The following RBFOX3 variants were observed in gnomAD, a reference collection of about 807,000 sequenced individuals.
The protein encoded by RBFOX3 is RNA binding fox-1 homolog 3, also known as RNA binding protein fox-1 homolog 3.
RBFOX3 carries 17 observed loss-of-function variants against 48.7 expected under a neutral mutation model. The observed-to-expected ratio is 0.35, with a 90% CI of 0.24 to 0.52. The LOEUF (loss-of-function observed/expected upper bound fraction) is 0.52. Ranked by LOEUF, RBFOX3 falls within the 20% of genes least tolerant of loss-of-function variation. The pLI is 0.94. For synonymous variants in RBFOX3, 212 were observed against 209.5 expected (o/e 1.01, Z -0.10); for missense variants, 382 against 497.5 (o/e 0.77, Z 2.21).
chr17:79,650,782 G>A, the RBFOX3 span, among the ~76,000 whole-genome samples: 16 of 152,106 alleles, frequency 1.1e-4, no homozygotes, highest in East Asian at 1.9e-4. Flanking sequence ...CATGGCCCCC[G>A]AGGGAAGACT....
At chr17:79,167,983 T>TG (rs2048369286) in intron 4 of RBFOX3, among the ~76,000 whole-genome samples, 1 of 151,832 alleles carries the variant, frequency 6.6e-6, no homozygotes, top group South Asian at 2.1e-4. Flanking sequence ...AACCACAGAG[T>TG]GGGGGGCAGT....
chr17:79,470,036 G>A (rs527621345), intron 2 of RBFOX3, among the ~76,000 whole-genome samples: 7 of 152,294 alleles, frequency 4.6e-5, no homozygotes, highest in East Asian at 1.9e-4. Flanking sequence ...TCGTAGGCAC[G>A]TGTGGGGCCT....
chr17:79,398,076 C>T (rs995211052), intron 2 of RBFOX3, among the ~76,000 whole-genome samples: 13 of 152,236 alleles, frequency 8.5e-5, no homozygotes, highest in African/African-American at 2.6e-4. Context: ...AGGCTCTGGG[C>T]GCCTTGTCGG....
intron 1 of RBFOX3, among the ~76,000 whole-genome samples, chr17:79,541,126 T>C (rs2089634362): frequency 6.6e-6 from 1 of 150,816 alleles, no homozygotes; most frequent in South Asian, 2.1e-4. Context: ...CAGGACAAAA[T>C]CATCAGAATA....
chr17:79,348,908 G>A (rs1478780591), intron 2 of RBFOX3, among the ~76,000 whole-genome samples: 4 of 151,298 alleles, frequency 2.6e-5, no homozygotes, highest in Admixed American at 6.6e-5. Flanking sequence ...ATGTGTCCAA[G>A]CAGATCTCCC....
chr17:79,582,025 TG>T (rs1299948902), intron 1 of RBFOX3, among the ~76,000 whole-genome samples: 366 of 151,098 alleles, frequency 2.4e-3, no homozygotes, highest in Non-Finnish European at 4.4e-3. Context: ...TGTGCGTGCC[TG>T]TGCGTGCCTG....
chr17:79,197,847 C>A (rs1266329105), intron 4 of RBFOX3, among the ~76,000 whole-genome samples: 12 of 152,102 alleles, frequency 7.9e-5, no homozygotes, highest in Non-Finnish European at 2.9e-5. Flanking sequence ...ATCTAACCTC[C>A]CAAACCACGG....
rs2078728685 is a variant in RBFOX3, at chr17:79,481,206, C to G, written c.-175+1248G>C. ...GTGTCCGGGCCTCTGGTCTCTTTGT[C>G]CAGGGTTCTCGTCGGCATCATCTGC... On this transcript the variant is annotated intron_variant, in intron 2 of 14. Coordinates refer to ENST00000693108, the MANE Select transcript of RBFOX3 (RefSeq NM_001350451.2). The surrounding 1 kb of genome is among the most constrained non-coding windows in gnomAD (Gnocchi z 5.4). Among the ~76,000 whole-genome samples, 1 of 152,156 alleles carries G rather than the reference C, an allele frequency of 6.6e-6. No homozygotes were observed.
chr17:79,610,265 C>G (rs1285230690), intron 1 of RBFOX3, among the ~76,000 whole-genome samples: 3 of 152,074 alleles, frequency 2.0e-5, no homozygotes, highest in Non-Finnish European at 2.9e-5. Context: ...CGGCAGGGCT[C>G]TCTCCGGGCC....
At chr17:79,258,628 G>T (rs1180371543) in intron 3 of RBFOX3, among the ~76,000 whole-genome samples, 1 of 152,196 alleles carries the variant, frequency 6.6e-6, no homozygotes, top group Admixed American at 6.5e-5. Context: ...GCCAAGGGAG[G>T]GTGGGACAGG....
Position 79,096,836 on chromosome 17 carries a change from G to C in RBFOX3, c.756-3C>G. 1.4e-6 allele frequency: 1 copy of C among 738,302 alleles called. No individual in the cohort carries two copies. The highest frequency in any genetic ancestry group is 2.4e-6 in the Non-Finnish European group (1 of 421,090). The allele number at this position is 738,302 out of a possible 1,614,324, so 45.7% of individuals were successfully genotyped here. On this transcript the variant is annotated splice_region_variant and splice_polypyrimidine_tract_variant and intron_variant, in intron 11 of 14. Coordinates refer to ENST00000693108, the MANE Select transcript of RBFOX3 (RefSeq NM_001350451.2). ...TAACAAGCGTTTGCTCCAGTGCCCT[G>C]TTTTGGTATAACAATAGAGTAACAC...
chr17:79,228,223 T>C (rs4789959), intron 4 of RBFOX3, among the ~76,000 whole-genome samples: 70,354 of 152,020 alleles, frequency 0.46, 16,830 homozygotes, highest in East Asian at 0.61. Context: ...GGGCTCTCCG[T>C]GTTCCCTCCG....
intron 4 of RBFOX3, among the ~76,000 whole-genome samples, chr17:79,165,308 G>A (rs1474425248): frequency 2.6e-5 from 4 of 152,228 alleles, no homozygotes; most frequent in Non-Finnish European, 5.9e-5. Flanking sequence ...TCATTTGAAA[G>A]TTAATTAGTC....
At chr17:79,339,609 G>A (rs2081741259) in intron 2 of RBFOX3, among the ~76,000 whole-genome samples, 1 of 152,166 alleles carries the variant, frequency 6.6e-6, no homozygotes, top group Non-Finnish European at 1.5e-5. Flanking sequence ...AATGGGGTCT[G>A]CTAATTTGCT....
At chr17:79,485,105 G>GCCCA (rs2079365284) in intron 1 of RBFOX3, among the ~76,000 whole-genome samples, 1 of 152,120 alleles carries the variant, frequency 6.6e-6, no homozygotes. Flanking sequence ...CCCCAAAGCA[G>GCCCA]AGGCTGCCCA....
rs1208015703 is a variant in RBFOX3, at chr17:79,534,400, CAGAGGGAGGTGGG to C, written c.-319-51815_-319-51803del. On this transcript the variant is annotated intron_variant, in intron 1 of 14. Transcript: ENST00000693108. Reference sequence around the variant, plus strand: ...CCCGGCGAGATGCTCAGGAGTGGCTCAGAGGGAGGTGGGAGAGGTTAGAATCCGAATCCAAGGG... The same window carrying C: ...CCCGGCGAGATGCTCAGGAGTGGCTCAGAGGTTAGAATCCGAATCCAAGGG... 2.0e-5 allele frequency among the ~76,000 whole-genome samples: 3 copies of C among 152,314 alleles called. No individual in the cohort carries two copies. In the East Asian group the frequency reaches 5.8e-4, roughly 29 times the overall value.
At chr17:79,455,333 T>G (rs1438006362) in intron 2 of RBFOX3, among the ~76,000 whole-genome samples, 1 of 152,164 alleles carries the variant, frequency 6.6e-6, no homozygotes, top group Non-Finnish European at 1.5e-5. Context: ...CGGAAATTGT[T>G]GGCCAGGAAG....
chr17:79,101,666 G>C, intron 8 of RBFOX3, 22 bp from the exon 9 acceptor site: 1 of 1,549,482 alleles, frequency 6.5e-7, no homozygotes, highest in Non-Finnish European at 8.7e-7. Flanking sequence ...GGGAAGGAGA[G>C]AGAGGAAGAG....
chr17:79,316,852 T>C (rs2077606603), intron 2 of RBFOX3, among the ~76,000 whole-genome samples: 2 of 152,274 alleles, frequency 1.3e-5, no homozygotes, highest in African/African-American at 4.8e-5. Context: ...GCTTATCTGA[T>C]ATTCACATTT....
Sources: gnomAD v4.1 joint callset for allele counts (sites outside exome capture counted in the v4.1 genomes callset) on GRCh38, gnomAD v4.1.1 for gene constraint, Gnocchi (gnomAD v3.1) non-coding constraint, MANE v1.5 for transcripts, NCBI Gene and HGNC (gene_info 2026-07-23, HGNC 2026-07-21) for gene names.